Variants in ARHGEF28 observed in about 807,000 individuals in gnomAD.
ARHGEF28 encodes the protein Rho guanine nucleotide exchange factor 28.
A neutral mutation model predicts 206.6 loss-of-function variants in ARHGEF28; 152 were observed. That is an observed-to-expected ratio of 0.74 (90% CI 0.64 to 0.84). The LOEUF is 0.84. Among genes scored for constraint, ARHGEF28 ranks in the 40% least tolerant of loss-of-function variants. ARHGEF28 has a pLI of 0.00. For synonymous variants in ARHGEF28, 763 were observed against 776.4 expected, an observed-to-expected ratio of 0.98 and a Z score of 0.29; for missense variants, 2,028 against 2,073.2, an observed-to-expected ratio of 0.98 and a Z score of 0.42.
At position 73,765,473 on chromosome 5, in the gene ARHGEF28, T is replaced by C. The variant is rs139575936; in HGVS notation, c.476-8382T>C. On this transcript the variant is annotated intron_variant, in intron 4 of 35. Transcript: ENST00000513042. ...TAATCAGTCAATACTCCACAGTGCATTGTGTGGCCAGTGGTTTTTGGATAT... is the reference window on the plus strand; with the variant it reads ...TAATCAGTCAATACTCCACAGTGCACTGTGTGGCCAGTGGTTTTTGGATAT... Among the ~76,000 whole-genome samples, 4 of 152,342 alleles carry C rather than the reference T, an allele frequency of 2.6e-5. No homozygotes were observed. The East Asian group carries it at 7.7e-4, about 29-fold the overall frequency.
At position 73,887,460 on chromosome 5, in the gene ARHGEF28, A is replaced by G. The variant is rs1761369502; in HGVS notation, c.3311-143A>G. 9.9e-6 allele frequency: 6 copies of G among 603,480 alleles called. No homozygotes were observed. In the East Asian group the frequency reaches 1.7e-4, roughly 18 times the overall value. The allele number at this position is 603,480 out of a possible 1,614,324, so 37.4% of individuals were successfully genotyped here. A position where few individuals can be genotyped will look rare whatever the true frequency, so the allele number is the denominator to read the frequency against. On this transcript the variant is annotated intron_variant, in intron 25 of 35. Coordinates refer to ENST00000513042, the MANE Select transcript of ARHGEF28 (RefSeq NM_001177693.2). The stretch of plus-strand genomic sequence containing the variant: ...AAGACAGCTTTCTATTAAGTTATTA[A>G]TAGCATATATCTTTGGCTATCATAA...
chr5:73,628,395 A>T (rs547922670), intron 1 of ARHGEF28, among the ~76,000 whole-genome samples: 131 of 152,336 alleles, frequency 8.6e-4, no homozygotes, highest in Non-Finnish European at 1.5e-3. Flanking sequence ...AGAAAAAAAG[A>T]TTCATGATAT....
At chr5:73,814,662 G>A (rs561484369) in intron 9 of ARHGEF28, among the ~76,000 whole-genome samples, 1 of 152,222 alleles carries the variant, frequency 6.6e-6, no homozygotes, top group Middle Eastern at 3.4e-3. Flanking sequence ...CTGCAGTGCT[G>A]TCCTTCGGGA....
rs149179382 is a variant in ARHGEF28, at chr5:73,748,436, A to G, written c.34-1401A>G. ...ATACATTTTAAACCACTAGAAAAGC[A>G]TAGTTGTTTGTTTATTGTAAAAAAC... is the stretch of plus-strand genomic sequence containing the variant. On this transcript the variant is annotated intron_variant, in intron 2 of 35. Coordinates refer to ENST00000513042, the MANE Select transcript of ARHGEF28 (RefSeq NM_001177693.2). Among the ~76,000 whole-genome samples, 609 of 152,312 alleles carry G rather than the reference A, an allele frequency of 4.0e-3. 3 individuals are homozygous for G. The highest frequency in any genetic ancestry group is 4.0e-3 in the Non-Finnish European group (275 of 68,032).
chr5:73,634,325 T>C (rs1432775662), intron 1 of ARHGEF28, among the ~76,000 whole-genome samples: 1 of 152,198 alleles, frequency 6.6e-6, no homozygotes, highest in Non-Finnish European at 1.5e-5. Flanking sequence ...CCCCATCTCC[T>C]CATAAAGATA....
At chr5:73,798,492 C>T (rs1049647159) in intron 9 of ARHGEF28, among the ~76,000 whole-genome samples, 9 of 152,300 alleles carry the variant, frequency 5.9e-5, no homozygotes, top group African/African-American at 1.4e-4. Flanking sequence ...GAACCAGCTC[C>T]GCAAGGAGCT....
intron 7 of ARHGEF28, among the ~76,000 whole-genome samples, chr5:73,783,745 G>A (rs1195385299): frequency 6.6e-6 from 1 of 152,100 alleles, no homozygotes; most frequent in African/African-American, 2.4e-5. Context: ...CACTGGGTGG[G>A]ATGGGCCTTC....
At chr5:73,760,597 A>C (rs964134827) in intron 4 of ARHGEF28, among the ~76,000 whole-genome samples, 7 of 152,176 alleles carry the variant, frequency 4.6e-5, no homozygotes, top group African/African-American at 1.7e-4. Context: ...TATGATGGTA[A>C]ATCGATAAAA....
intron 9 of ARHGEF28, among the ~76,000 whole-genome samples, chr5:73,828,566 T>C (rs1219965279): frequency 6.6e-6 from 1 of 152,178 alleles, no homozygotes; most frequent in African/African-American, 2.4e-5. Context: ...TGACATGGGC[T>C]AAGCCACCTT....
At position 73,894,375 on chromosome 5, in the gene ARHGEF28, G is replaced by T; in HGVS notation, c.3659-18G>T. Reference sequence around the variant, plus strand: ...TTCATGTTAGTGATAATCTTCTATGGTAAATACTATTTCATAGAAATACTC... The same window carrying T: ...TTCATGTTAGTGATAATCTTCTATGTTAAATACTATTTCATAGAAATACTC... On this transcript the variant is annotated intron_variant, in intron 28 of 35. Transcript: ENST00000513042. 1.3e-6 allele frequency: 2 copies of T among 1,581,066 alleles called. No homozygotes were observed. Among genetic ancestry groups the T allele is most frequent in the Non-Finnish European group, 1.7e-6 (2 of 1,158,108 alleles).
chr5:73,762,455 CAA>C (rs35028103), intron 4 of ARHGEF28, among the ~76,000 whole-genome samples: 6,746 of 66,634 alleles, frequency 0.1, 175 homozygotes, highest in African/African-American at 0.17. Context: ...GACTCCCTCT[CAA>C]AAAAAAAAAA....
intron 7 of ARHGEF28, among the ~76,000 whole-genome samples, chr5:73,788,627 G>A (rs925893686): frequency 6.6e-6 from 1 of 152,100 alleles, no homozygotes. Context: ...CCACCACAAA[G>A]GTCTTCATCC....
chr5:73,792,139 A>C (rs1180271140), intron 7 of ARHGEF28, among the ~76,000 whole-genome samples: 6 of 152,244 alleles, frequency 3.9e-5, no homozygotes, highest in African/African-American at 7.2e-5. Context: ...AGTATCACTA[A>C]TATTTTTAAA....
chr5:73,828,617 TTTTTTCC>T (rs1456109057), intron 9 of ARHGEF28, among the ~76,000 whole-genome samples: 4 of 151,824 alleles, frequency 2.6e-5, no homozygotes, highest in East Asian at 3.9e-4. Context: ...CTTTCCTTTC[TTTTTTCC>T]TTTTTCCTTT....
At chr5:73,681,156 A>G (rs1747074993) in intron 1 of ARHGEF28, among the ~76,000 whole-genome samples, 1 of 151,654 alleles carries the variant, frequency 6.6e-6, no homozygotes, top group South Asian at 2.1e-4. Flanking sequence ...AAAAATACAT[A>G]AGGATCTTCT....
chr5:73,821,320 A>G (rs960377797), intron 9 of ARHGEF28, among the ~76,000 whole-genome samples: 2 of 152,168 alleles, frequency 1.3e-5, no homozygotes, highest in Non-Finnish European at 1.5e-5. Flanking sequence ...AAATAAGGGA[A>G]AAAACATACA....
At chr5:73,752,829 T>C (rs1752086602) in intron 3 of ARHGEF28, 80 bp from the exon 4 acceptor site, 1 of 1,504,204 alleles carries the variant, frequency 6.6e-7, no homozygotes, top group South Asian at 1.2e-5. Context: ...TTAAGCTATG[T>C]GGTGGGGCTA....
At chr5:73,691,226 A>C (rs1458797037) in intron 2 of ARHGEF28, among the ~76,000 whole-genome samples, 1 of 152,188 alleles carries the variant, frequency 6.6e-6, no homozygotes, top group Non-Finnish European at 1.5e-5. Flanking sequence ...CACTGTGCCC[A>C]GTGAAATTCT....
At chr5:73,651,905 C>T (rs955170906) in intron 1 of ARHGEF28, among the ~76,000 whole-genome samples, 1 of 152,200 alleles carries the variant, frequency 6.6e-6, no homozygotes, top group African/African-American at 2.4e-5. Flanking sequence ...TCTGATGCCA[C>T]AACCATCCTA....
Sources: allele counts gnomAD v4.1 joint callset (sites outside exome capture counted in the v4.1 genomes callset), GRCh38; gene constraint gnomAD v4.1.1; transcripts MANE v1.5; gene names NCBI Gene and HGNC (gene_info 2026-07-23, HGNC 2026-07-21).